BCAS3: variants seen among roughly 807,000 people sequenced by gnomAD.
The protein encoded by BCAS3 is BCAS3 microtubule associated cell migration factor, also known as BCAS4/BCAS3 fusion.
A neutral mutation model predicts 116.1 loss-of-function variants in BCAS3; 53 were observed. The ratio of observed to expected loss-of-function variants is 0.46; its 90% CI spans 0.37 to 0.57. The LOEUF is 0.57. Ranked by LOEUF, BCAS3 falls within the 20% of genes least tolerant of loss-of-function variation. The probability of loss-of-function intolerance (pLI) is 0.00; values close to 1 mark genes in which losing one functional copy is unlikely to be tolerated. For missense variants in BCAS3, 917 were observed against 1,165.4 expected, an observed-to-expected ratio of 0.79 and a Z score of 3.10; for synonymous variants, 391 against 408.2, an observed-to-expected ratio of 0.96 and a Z score of 0.51.
chr17:60,748,600 T>C (rs1208189645), intron 6 of BCAS3, among the ~76,000 whole-genome samples: 1 of 152,242 alleles, frequency 6.6e-6, no homozygotes, highest in Non-Finnish European at 1.5e-5. Flanking sequence ...AGGGCTCTGC[T>C]GTTTCTCTGT....
Position 61,197,262 on chromosome 17 carries a change from C to G in BCAS3, c.2425+112698C>G, listed in dbSNP as rs551858650. Among the ~76,000 whole-genome samples the G allele has an allele frequency of 2.6e-5, 4 of 152,288 alleles. No individual in the cohort carries two copies. In the East Asian group the frequency reaches 7.7e-4, roughly 29 times the overall value. On this transcript the variant is annotated intron_variant, in intron 22 of 23. Transcript: ENST00000407086. Reference sequence around the variant, plus strand: ...TTTGTTCTCATTATCTAGAAAAGGGCCGCTTCTTCCTAATAATGGAGAGTT... The same window carrying G: ...TTTGTTCTCATTATCTAGAAAAGGGGCGCTTCTTCCTAATAATGGAGAGTT...
At chr17:60,710,617 C>G (rs36109609) in intron 5 of BCAS3, among the ~76,000 whole-genome samples, 22,577 of 151,512 alleles carry the variant, frequency 0.15, 2,243 homozygotes, top group Non-Finnish European at 0.22. Context: ...ATTTTTAGTA[C>G]AGATGGGGTT....
At chr17:60,807,882 A>G in intron 6 of BCAS3, 122 bp from the exon 7 acceptor site, 2 of 639,288 alleles carry the variant, frequency 3.1e-6, no homozygotes, top group Admixed American at 2.7e-5. Context: ...ATTCAATTGT[A>G]TAAATTATGT....
rs72844913 is a variant in BCAS3, at chr17:61,118,758, A to G, written c.2425+34194A>G. Among the ~76,000 whole-genome samples the G allele has an allele frequency of 0.1, 15,967 of 152,250 alleles. 1,035 individuals carry two copies. Among genetic ancestry groups the G allele is most frequent in the Non-Finnish European group, 0.15 (9,986 of 68,010 alleles). On this transcript the variant is annotated intron_variant, in intron 22 of 23. Transcript: ENST00000407086. This position sits in a 1 kb window ranked among gnomAD's most constrained non-coding sequence, Gnocchi z 5.0. Reference sequence around the variant, plus strand: ...GAGAGCAGCCTTTTGTTGTGACAAAAGCATAGACAGACCTTGAGGTGTAGA... The same window carrying G: ...GAGAGCAGCCTTTTGTTGTGACAAAGGCATAGACAGACCTTGAGGTGTAGA...
In BCAS3 at chr17:61,272,636, C is replaced by CAAAAAA. The variant is rs373837874; in HGVS notation, c.2426-95665_2426-95660dup. 2.6e-3 allele frequency among the ~76,000 whole-genome samples: 123 copies of CAAAAAA among 47,388 alleles called. 15 individuals carry two copies. Among genetic ancestry groups the CAAAAAA allele is most frequent in the African/African-American group, 3.4e-3 (49 of 14,444 alleles). 31.1% of individuals were successfully genotyped at this position (47,388 alleles called of 152,430 possible). A position where few individuals can be genotyped will look rare whatever the true frequency, so the allele number is the denominator to read the frequency against. ...CTGGTGACAGAGTGAAACCCTGTCTCAAAAAAAAAAAAAAAAAAAAAAAAA... is the reference window on the plus strand; with the variant it reads ...CTGGTGACAGAGTGAAACCCTGTCTCAAAAAAAAAAAAAAAAAAAAAAAAAAAAAAA... On this transcript the variant is annotated intron_variant, in intron 22 of 23. Transcript: ENST00000407086.
intron 15 of BCAS3, 29 bp from the exon 16 acceptor site, chr17:61,015,722 G>T: frequency 6.2e-7 from 1 of 1,611,764 alleles, no homozygotes. Flanking sequence ...CTTCCTCAGT[G>T]ATGCTTTTCT....
intron 10 of BCAS3, among the ~76,000 whole-genome samples, chr17:60,894,589 G>C (rs149570268): frequency 0.019 from 2,932 of 152,254 alleles, 35 homozygotes; most frequent in Middle Eastern, 0.041. Flanking sequence ...CTTTGGCTGG[G>C]ACTTCAGTAC....
At chr17:60,688,605 A>G (rs2034402810) in intron 3 of BCAS3, among the ~76,000 whole-genome samples, 1 of 152,140 alleles carries the variant, frequency 6.6e-6, no homozygotes, top group Non-Finnish European at 1.5e-5. Context: ...ACCTGAGGTC[A>G]GGAGTTCAAG....
At chr17:60,733,685 A>C (rs1263411943) in intron 5 of BCAS3, among the ~76,000 whole-genome samples, 2 of 151,984 alleles carry the variant, frequency 1.3e-5, no homozygotes, top group Non-Finnish European at 2.9e-5. Context: ...TCTACAAAAA[A>C]ATTTTTAAAA....
chr17:60,838,438 A>G (rs2051569208), intron 7 of BCAS3, among the ~76,000 whole-genome samples: 1 of 152,012 alleles, frequency 6.6e-6, no homozygotes, highest in Non-Finnish European at 1.5e-5. Context: ...AAGAGGGAGT[A>G]GTGGGGATTA....
At chr17:61,070,700 G>A (rs1306491293) in intron 19 of BCAS3, among the ~76,000 whole-genome samples, 1 of 151,990 alleles carries the variant, frequency 6.6e-6, no homozygotes, top group African/African-American at 2.4e-5. Flanking sequence ...TTGATTATGG[G>A]CCCTTCCCAC....
chr17:60,753,129 A>G lies in BCAS3; in HGVS notation c.403+5850A>G, dbSNP rs578046759. Among the ~76,000 whole-genome samples the G allele has an allele frequency of 3.3e-5, 5 of 152,282 alleles. No individual in the cohort carries two copies. In the South Asian group the frequency reaches 1.0e-3, roughly 32 times the overall value. ...AGTGCTGGGATTACAGATGTGACCC[A>G]TTGTACCCATATGTAATTTTTTGAT... On this transcript the variant is annotated intron_variant, in intron 6 of 23. Transcript: ENST00000407086.
intron 22 of BCAS3, among the ~76,000 whole-genome samples, chr17:61,353,007 C>T (rs1246567602): frequency 1.3e-5 from 2 of 152,142 alleles, no homozygotes; most frequent in African/African-American, 4.8e-5. Context: ...GGACTGGCAG[C>T]TGAAGGCAAT....
rs1039324238 is a variant in BCAS3, at chr17:61,348,663, G to A, written c.2426-19664G>A. ...AGTCAACTTGCTTTATAGAGTCTGG[G>A]TTGCCCACAAGGGACCACATCATTG... is the stretch of plus-strand genomic sequence containing the variant. On this transcript the variant is annotated intron_variant, in intron 22 of 23. Coordinates refer to ENST00000407086, the MANE Select transcript of BCAS3 (RefSeq NM_017679.5). This position sits in a 1 kb window ranked among gnomAD's most constrained non-coding sequence, Gnocchi z 4.5. 3.3e-4 allele frequency among the ~76,000 whole-genome samples: 50 copies of A among 151,912 alleles called. No individual in the cohort carries two copies. Among genetic ancestry groups the A allele is most frequent in the African/African-American group, 1.1e-3 (47 of 41,342 alleles).
intron 7 of BCAS3, among the ~76,000 whole-genome samples, chr17:60,859,015 A>T (rs1211115382): frequency 1.3e-5 from 2 of 152,164 alleles, no homozygotes; most frequent in Middle Eastern, 3.4e-3. Flanking sequence ...TTTATTTTTC[A>T]TGCATGAAAT....
chr17:60,906,536 T>C (rs1473455202), intron 11 of BCAS3, among the ~76,000 whole-genome samples: 2 of 152,120 alleles, frequency 1.3e-5, no homozygotes, highest in African/African-American at 4.8e-5. Context: ...AAACACCACT[T>C]AGTTTCTTAG....
chr17:60,892,312 A>ATT (rs146241613), intron 10 of BCAS3, among the ~76,000 whole-genome samples: 3,795 of 126,764 alleles, frequency 0.03, 135 homozygotes, highest in African/African-American at 0.082. Flanking sequence ...TTTTTGACTT[A>ATT]TTTTTTTTTT....
In BCAS3 at chr17:61,222,127, C is replaced by T. The variant is rs886193681; in HGVS notation, c.2425+137563C>T. 1.4e-4 allele frequency among the ~76,000 whole-genome samples: 21 copies of T among 151,832 alleles called. No individual in the cohort carries two copies. Among genetic ancestry groups the T allele is most frequent in the Non-Finnish European group, 5.9e-5 (4 of 67,996 alleles). On this transcript the variant is annotated intron_variant, in intron 22 of 23. Coordinates refer to ENST00000407086, the MANE Select transcript of BCAS3 (RefSeq NM_017679.5). The surrounding 1 kb of genome is among the most constrained non-coding windows in gnomAD (Gnocchi z 6.1). Reference sequence around the variant, plus strand: ...TTAGGGAATTTGTTAACAGTCATGCCGACATAGATACAAATATAGAGAACA... The same window carrying T: ...TTAGGGAATTTGTTAACAGTCATGCTGACATAGATACAAATATAGAGAACA...
At chr17:61,240,874 G>A (rs1197089349) in intron 22 of BCAS3, among the ~76,000 whole-genome samples, 1 of 152,158 alleles carries the variant, frequency 6.6e-6, no homozygotes, top group Non-Finnish European at 1.5e-5. Flanking sequence ...CCGAAAAGAA[G>A]CATTTTTAAA....
Sources: allele counts gnomAD v4.1 joint callset (sites outside exome capture counted in the v4.1 genomes callset), GRCh38; gene constraint gnomAD v4.1.1; non-coding constraint Gnocchi (gnomAD v3.1); transcripts MANE v1.5; gene names NCBI Gene and HGNC (gene_info 2026-07-23, HGNC 2026-07-21).